NREP: variants seen among roughly 807,000 people sequenced by gnomAD.
The protein encoded by NREP is neuronal regeneration related protein.
A neutral mutation model predicts 8.6 loss-of-function variants in NREP; 5 were observed. That is an observed-to-expected ratio of 0.58 (90% confidence interval 0.30 to 1.22). The LOEUF is 1.22. Among genes scored for constraint, NREP ranks in the 50% most tolerant of loss-of-function variants. The probability of loss-of-function intolerance (pLI) is 0.07; values close to 1 mark genes in which losing one functional copy is unlikely to be tolerated. For missense variants in NREP, 86 were observed against 82.5 expected (o/e 1.04, Z -0.17); for synonymous variants, 27 against 28.0 (o/e 0.96, Z 0.11).
At chr5:111,804,322 C>T (rs1000208959) in intron 2 of NREP, among the ~76,000 whole-genome samples, 4 of 151,922 alleles carry the variant, frequency 2.6e-5, no homozygotes, top group Non-Finnish European at 1.5e-5. Flanking sequence ...ACTGAATAGC[C>T]AATTAGAGAA....
intron 2 of NREP, among the ~76,000 whole-genome samples, chr5:111,809,798 A>G (rs1484324317): frequency 1.3e-5 from 2 of 152,138 alleles, no homozygotes; most frequent in African/African-American, 4.8e-5. Flanking sequence ...CAAAATGGAC[A>G]AAGAGTTTTT....
intron 2 of NREP, among the ~76,000 whole-genome samples, chr5:111,937,228 C>T (rs563474848): frequency 4.7e-4 from 72 of 152,190 alleles, no homozygotes; most frequent in African/African-American, 1.7e-3. Context: ...AAAAACTGGA[C>T]TTTACTGAGA....
Position 111,828,852 on chromosome 5 carries a change from T to C in NREP, c.136-93345A>G, listed in dbSNP as rs551891236. On this transcript the variant is annotated intron_variant, in intron 2 of 3. Coordinates refer to the NREP transcript ENST00000395634. ...GAAATAGGTAGAGGAGCTATCATAATGAATAAGACAAGTTCTCTCAGGAAG... is the reference window on the plus strand; with the variant it reads ...GAAATAGGTAGAGGAGCTATCATAACGAATAAGACAAGTTCTCTCAGGAAG... 5.6e-4 allele frequency among the ~76,000 whole-genome samples: 85 copies of C among 152,286 alleles called. 1 individual carries two copies. Among genetic ancestry groups the C allele is most frequent in the African/African-American group, 2.0e-3 (82 of 41,560 alleles).
At chr5:111,759,851 C>T (rs898631342), upstream of NREP, among the ~76,000 whole-genome samples, 1 of 152,162 alleles carries the variant, frequency 6.6e-6, no homozygotes, top group African/African-American at 2.4e-5. Flanking sequence ...ACAGTAGACC[C>T]ACTCTTCTAA....
At chr5:111,891,441 C>T (rs943719472) in intron 2 of NREP, among the ~76,000 whole-genome samples, 28 of 152,188 alleles carry the variant, frequency 1.8e-4, no homozygotes, top group Non-Finnish European at 3.8e-4. Context: ...CTTGAAAACT[C>T]TTCCAAACTC....
At chr5:111,900,522 C>A (rs1381716847) in intron 2 of NREP, among the ~76,000 whole-genome samples, 1 of 151,692 alleles carries the variant, frequency 6.6e-6, no homozygotes, top group Admixed American at 6.6e-5. Flanking sequence ...GCTAGTTACA[C>A]TGCCAAGAAA....
intron 2 of NREP, among the ~76,000 whole-genome samples, chr5:111,863,824 T>C (rs1753604808): frequency 6.6e-6 from 1 of 152,134 alleles, no homozygotes; most frequent in Non-Finnish European, 1.5e-5. Context: ...GGCTAGAAAC[T>C]CAATGGGGAG....
chr5:111,901,259 T>C (rs1754639434), intron 2 of NREP, among the ~76,000 whole-genome samples: 1 of 152,188 alleles, frequency 6.6e-6, no homozygotes. Flanking sequence ...TTGAATTTAA[T>C]TACTTTTCTT....
chr5:111,955,184 T>A (rs1013357870), intron 2 of NREP, among the ~76,000 whole-genome samples: 14 of 152,128 alleles, frequency 9.2e-5, no homozygotes, highest in Middle Eastern at 3.2e-3. Context: ...GAGAGCCAGC[T>A]CTCAGAGTTT....
chr5:111,731,039 A>G lies in NREP; in HGVS notation c.89T>C (p.Leu30Pro), dbSNP rs771323346. 6.2e-7 allele frequency: 1 copy of G among 1,613,854 alleles called. No homozygotes were observed. Among genetic ancestry groups the G allele is most frequent in the South Asian group, 1.1e-5 (1 of 91,074 alleles). ...DMEGRLPKGR[L>P]PVPKEVNRKK... ...GCGGTTCACTTCCTTTGGGACAGGA[A>G]GTCTTCCCTGCAAAGCAGGCAGACC... The change falls in exon 4 of 4, where the codon CTT becomes CCT. Residue 30 changes from leucine to proline, a missense_variant. Leu to Pro is a moderately conservative substitution (Grantham distance 98). Transcript: ENST00000257435.
intron 2 of NREP, among the ~76,000 whole-genome samples, chr5:111,850,654 A>G (rs539013610): frequency 6.6e-6 from 1 of 151,742 alleles, no homozygotes; most frequent in Non-Finnish European, 1.5e-5. Context: ...GGTTCTTCCT[A>G]TTATTGTTGC....
intron 2 of NREP, among the ~76,000 whole-genome samples, chr5:111,742,964 A>T (rs1038673202): frequency 2.0e-5 from 3 of 152,120 alleles, no homozygotes; most frequent in African/African-American, 7.2e-5. Flanking sequence ...CAAACTGTGG[A>T]CTGGACTCAA....
intron 2 of NREP, among the ~76,000 whole-genome samples, chr5:111,909,865 A>G (rs931991560): frequency 1.3e-5 from 2 of 152,088 alleles, no homozygotes; most frequent in Non-Finnish European, 2.9e-5. Context: ...AATTGGATAC[A>G]TTGCTCTGCT....
intron 2 of NREP, among the ~76,000 whole-genome samples, chr5:111,749,089 TAAG>T (rs780949190): frequency 2.6e-5 from 4 of 152,088 alleles, no homozygotes; most frequent in Admixed American, 6.6e-5. Flanking sequence ...CAGTTGAGAA[TAAG>T]AAGTAGCCTG....
chr5:111,946,636 C>A (rs780452847), intron 2 of NREP, among the ~76,000 whole-genome samples: 1 of 151,906 alleles, frequency 6.6e-6, no homozygotes, highest in Non-Finnish European at 1.5e-5. Context: ...TCAGTACAGC[C>A]TCTATCAGGG....
At chr5:111,852,528 G>A (rs1390355124) in intron 2 of NREP, among the ~76,000 whole-genome samples, 1 of 152,148 alleles carries the variant, frequency 6.6e-6, no homozygotes, top group Non-Finnish European at 1.5e-5. Context: ...CTTGTCAAAT[G>A]AAGAGACATT....
chr5:111,952,968 A>T (rs978172609), intron 2 of NREP, among the ~76,000 whole-genome samples: 1 of 152,118 alleles, frequency 6.6e-6, no homozygotes, highest in African/African-American at 2.4e-5. Flanking sequence ...CATTATTTGC[A>T]TCATGAAGAC....
chr5:111,836,320 A>T (rs1436414346), intron 2 of NREP, among the ~76,000 whole-genome samples: 4 of 152,120 alleles, frequency 2.6e-5, no homozygotes, highest in Non-Finnish European at 1.5e-5. Flanking sequence ...TCTGTATGGG[A>T]TCTGAAGAAC....
intron 2 of NREP, among the ~76,000 whole-genome samples, chr5:111,936,257 G>A (rs566201320): frequency 2.0e-4 from 31 of 152,120 alleles, no homozygotes; most frequent in Middle Eastern, 3.4e-3. Flanking sequence ...GGATTATGGG[G>A]GCAGTTTCCC....
Sources: allele counts gnomAD v4.1 joint callset (sites outside exome capture counted in the v4.1 genomes callset), GRCh38; gene constraint gnomAD v4.1.1; transcripts MANE v1.5; gene names NCBI Gene and HGNC (gene_info 2026-07-23, HGNC 2026-07-21).